Variants in MAGI1 observed in about 807,000 individuals in gnomAD.
MAGI1 encodes membrane associated guanylate kinase, WW and PDZ domain containing 1, also known as membrane-associated guanylate kinase, WW and PDZ domain-containing protein 1.
In MAGI1, 58 loss-of-function variants were observed where a neutral mutation model predicts 139.9. The observed-to-expected ratio is 0.41, with a 90% confidence interval of 0.34 to 0.52. The LOEUF (loss-of-function observed/expected upper bound fraction) is 0.52. MAGI1 is among the 20% of genes least tolerant of loss of function. The probability of loss-of-function intolerance (pLI) is 0.12; values close to 1 mark genes in which losing one functional copy is unlikely to be tolerated. For missense variants in MAGI1, 1,874 were observed against 1,901.6 expected (o/e 0.99, Z 0.27); for synonymous variants, 812 against 737.9 (o/e 1.10, Z -1.63).
At chr3:65,764,084 G>A (rs78555595) in intron 1 of MAGI1, among the ~76,000 whole-genome samples, 682 of 125,230 alleles carry the variant, frequency 5.4e-3, no homozygotes, top group Middle Eastern at 0.015. Context: ...AAGAAAAAAA[G>A]AAAAAAAAAA....
rs186550732 is a variant in MAGI1, at chr3:65,701,983, G to A, written c.314-79895C>T. 1.4e-3 allele frequency among the ~76,000 whole-genome samples: 210 copies of A among 152,114 alleles called. 1 individual carries two copies. Among genetic ancestry groups the A allele is most frequent in the Admixed American group, 2.2e-3 (34 of 15,260 alleles). On this transcript the variant is annotated intron_variant, in intron 1 of 22. Transcript: ENST00000402939. ...ACAATGCCTGCATATATTCCCCGAC[G>A]CTTGTTATTTTATTTATTTATTTTT...
chr3:65,653,200 CACA>C (rs1457618828), intron 1 of MAGI1, among the ~76,000 whole-genome samples: 2 of 152,142 alleles, frequency 1.3e-5, no homozygotes, highest in Non-Finnish European at 1.5e-5. Flanking sequence ...CCATATCTTT[CACA>C]ACATATCAAC....
intron 1 of MAGI1, among the ~76,000 whole-genome samples, chr3:65,777,836 G>A (rs779605207): frequency 2.0e-5 from 3 of 152,046 alleles, no homozygotes; most frequent in Admixed American, 6.6e-5. Context: ...CATTGCATAC[G>A]TTTTCTGTGA....
chr3:65,719,285 ATGTGTG>A (rs60689301), intron 1 of MAGI1, among the ~76,000 whole-genome samples: 3 of 149,566 alleles, frequency 2.0e-5, no homozygotes, highest in Non-Finnish European at 3.0e-5. Context: ...ATACACATAT[ATGTGTG>A]TGTGTGTGTG....
At chr3:65,993,778 G>T (rs1456933519) in intron 1 of MAGI1, among the ~76,000 whole-genome samples, 3 of 152,168 alleles carry the variant, frequency 2.0e-5, no homozygotes, top group East Asian at 1.9e-4. Flanking sequence ...CATAGCTTGG[G>T]GTCAGTAAGT....
At chr3:65,491,149 T>G (rs1180010530) in intron 3 of MAGI1, among the ~76,000 whole-genome samples, 2 of 152,174 alleles carry the variant, frequency 1.3e-5, no homozygotes, top group East Asian at 3.9e-4. Flanking sequence ...TAGGATATTC[T>G]TCGGGTTTTT....
chr3:65,354,614 C>A lies in MAGI1; in HGVS notation c.*1764G>T, dbSNP rs1940120125. 6.6e-6 allele frequency: 1 copy of A among 152,572 alleles called. No individual in the cohort carries two copies. Among genetic ancestry groups the A allele is most frequent in the Non-Finnish European group, 1.5e-5 (1 of 68,036 alleles). The allele number at this position is 152,572 out of a possible 1,614,324, so 9.5% of individuals were successfully genotyped here. A position where few individuals can be genotyped will look rare whatever the true frequency, so the allele number is the denominator to read the frequency against. On this transcript the variant is annotated 3_prime_UTR_variant, in exon 23 of 23. Coordinates refer to ENST00000402939, the MANE Select transcript of MAGI1 (RefSeq NM_001033057.2). ...CATGGAGGAAATGATGATATTCAAA[C>A]CAACTAAAGCTTTAGAGAATTACTT...
chr3:65,814,189 G>A (rs1485353301), intron 1 of MAGI1, among the ~76,000 whole-genome samples: 9 of 152,156 alleles, frequency 5.9e-5, no homozygotes, highest in Admixed American at 5.2e-4. Context: ...CAGACACAGG[G>A]TGTCTCATCA....
intron 1 of MAGI1, among the ~76,000 whole-genome samples, chr3:65,679,163 A>G (rs1035269841): frequency 6.6e-6 from 1 of 152,176 alleles, no homozygotes; most frequent in Non-Finnish European, 1.5e-5. Flanking sequence ...TAGCTCAAAA[A>G]AAAACAAAAT....
At chr3:66,027,379 C>T (rs1385791213) in intron 1 of MAGI1, among the ~76,000 whole-genome samples, 1 of 152,168 alleles carries the variant, frequency 6.6e-6, no homozygotes, top group East Asian at 1.9e-4. Flanking sequence ...TCATAGCTCA[C>T]TGCAGCCTCG....
intron 2 of MAGI1, among the ~76,000 whole-genome samples, chr3:65,497,923 T>C (rs547360866): frequency 1.3e-4 from 20 of 152,216 alleles, no homozygotes; most frequent in African/African-American, 4.8e-4. Flanking sequence ...CACAAAACGT[T>C]CAGGGTTTAT....
chr3:65,570,928 A>C (rs529660988), intron 2 of MAGI1, among the ~76,000 whole-genome samples: 182 of 152,356 alleles, frequency 1.2e-3, no homozygotes, highest in African/African-American at 4.2e-3. Flanking sequence ...AACCAAACTC[A>C]ATTACCGAAT....
intron 2 of MAGI1, among the ~76,000 whole-genome samples, chr3:65,494,376 C>A (rs907440528): frequency 1.3e-5 from 2 of 152,164 alleles, no homozygotes; most frequent in African/African-American, 4.8e-5. Context: ...AAAAAGTCAT[C>A]CAGCTCAGGT....
intron 1 of MAGI1, among the ~76,000 whole-genome samples, chr3:65,805,569 C>T (rs1022074464): frequency 6.6e-6 from 1 of 152,132 alleles, no homozygotes; most frequent in South Asian, 2.1e-4. Flanking sequence ...ACCATTTGAC[C>T]CGGCAATCCC....
intron 1 of MAGI1, among the ~76,000 whole-genome samples, chr3:65,643,468 C>G (rs1337910201): frequency 6.6e-6 from 1 of 152,046 alleles, no homozygotes; most frequent in African/African-American, 2.4e-5. Flanking sequence ...CCACTAAGTA[C>G]AACTATAGGC....
Position 65,729,147 on chromosome 3 carries a change from C to A in MAGI1, c.314-107059G>T, listed in dbSNP as rs113270607. On this transcript the variant is annotated intron_variant, in intron 1 of 22. Transcript: ENST00000402939. Reference sequence around the variant, plus strand: ...GGGGGGGGGGGGGGGATGATATTCACTCTGAAGAAAACAAGCCATCTACAA... The same window carrying A: ...GGGGGGGGGGGGGGGATGATATTCAATCTGAAGAAAACAAGCCATCTACAA... 1.5e-3 allele frequency among the ~76,000 whole-genome samples: 201 copies of A among 133,782 alleles called. 3 individuals are homozygous for A. Among genetic ancestry groups the A allele is most frequent in the African/African-American group, 5.2e-3 (197 of 38,000 alleles). The allele number at this position is 133,782 out of a possible 152,430, so 87.8% of individuals were successfully genotyped here.
chr3:65,795,232 C>G (rs1169164515), intron 1 of MAGI1, among the ~76,000 whole-genome samples: 1 of 152,112 alleles, frequency 6.6e-6, no homozygotes, highest in Non-Finnish European at 1.5e-5. Flanking sequence ...ATGAAATACA[C>G]AAATGTTCAT....
At chr3:65,433,834 A>C (rs1457881518) in intron 10 of MAGI1, among the ~76,000 whole-genome samples, 1 of 152,170 alleles carries the variant, frequency 6.6e-6, no homozygotes, top group East Asian at 1.9e-4. Context: ...CTAGTGTTTA[A>C]ATACCCTAGA....
chr3:65,379,487 C>T lies in MAGI1; in HGVS notation c.2769G>A (p.Ser923=), dbSNP rs764500887. The T allele has an allele frequency of 7.4e-6, 12 of 1,613,822 alleles. No individual in the cohort carries two copies. The highest frequency in any genetic ancestry group is 4.5e-5 in the East Asian group (2 of 44,878). ...GCGGAGTGCGCTTCTCTTCTGTCAG[C>T]GAGGCCGGCTGGTTGCTACTGTGAT... ...SSHHSSNQPA[S]LTEEKRTPQG... Residue 923 remains serine (S), a synonymous_variant, in exon 17 of 23, where the codon TCG becomes TCA. Coordinates refer to ENST00000402939, the MANE Select transcript of MAGI1 (RefSeq NM_001033057.2).
Sources: allele counts gnomAD v4.1 joint callset (sites outside exome capture counted in the v4.1 genomes callset), GRCh38; gene constraint gnomAD v4.1.1; transcripts MANE v1.5; gene names NCBI Gene and HGNC (gene_info 2026-07-23, HGNC 2026-07-21).